Variants in MS4A4E observed in about 807,000 individuals in gnomAD.
MS4A4E encodes the protein membrane spanning 4-domains A4E.
In MS4A4E, 23 loss-of-function variants were observed where a neutral mutation model predicts 13.3. The observed-to-expected ratio is 1.73, with a 90% confidence interval of 1.25 to 2.45. The LOEUF (loss-of-function observed/expected upper bound fraction) is 2.45. Among genes scored for constraint, MS4A4E ranks in the 30% most tolerant of loss-of-function variants. The pLI is 0.00. For missense variants in MS4A4E, 144 were observed against 131.2 expected, an observed-to-expected ratio of 1.10 and a Z score of -0.48; for synonymous variants, 36 against 45.6, an observed-to-expected ratio of 0.79 and a Z score of 0.85.
At chr11:60,229,883 G>A (rs972395052) in intron 2 of MS4A4E, 29 bp downstream of exon 2, 1 of 1,569,364 alleles carries the variant, frequency 6.4e-7, no homozygotes, top group East Asian at 2.3e-5. Flanking sequence ...AACACTATTG[G>A]TCTTCTCCCA....
chr11:60,229,684 C>G (rs2084383852), intron 2 of MS4A4E, among the ~76,000 whole-genome samples: 1 of 152,008 alleles, frequency 6.6e-6, no homozygotes, highest in African/African-American at 2.4e-5. Flanking sequence ...GACCCACAAC[C>G]CTAGAATAGA....
At position 60,213,913 on chromosome 11, in the gene MS4A4E, T is replaced by G. The variant is rs554175786; in HGVS notation, c.222+658A>C. Among the ~76,000 whole-genome samples, 3 of 152,258 alleles carry G rather than the reference T, an allele frequency of 2.0e-5. No homozygotes were observed. The East Asian group carries it at 5.8e-4, about 29-fold the overall frequency. On this transcript the variant is annotated intron_variant, in intron 4 of 8. Transcript: ENST00000651255. ...GATACAGTTGGAATCTACTTTTTTT[T>G]TTTCCTTTTTGAGATGGAGTCTTGC...
rs11825956 is a variant in MS4A4E at position 60,228,072 on chromosome 11, C to T, written c.178+522G>A. Among the ~76,000 whole-genome samples the T allele has an allele frequency of 1.7e-3, 257 of 152,128 alleles. 1 individual carries two copies. The highest frequency in any genetic ancestry group is 5.9e-3 in the African/African-American group (246 of 41,504). On this transcript the variant is annotated intron_variant, in intron 3 of 8. Transcript: ENST00000651255. ...TGTCAATACAATACCAAAGGCACAA[C>T]CCATGAAATACCGAATTAATCATCT...
At chr11:60,215,620 TA>T (rs1041365069) in intron 3 of MS4A4E, among the ~76,000 whole-genome samples, 28 of 150,644 alleles carry the variant, frequency 1.9e-4, no homozygotes, top group Admixed American at 6.0e-4. Context: ...GTTTAATGAT[TA>T]AAAAAAAAGT....
At chr11:60,229,397 A>G (rs2084379943) in intron 2 of MS4A4E, among the ~76,000 whole-genome samples, 1 of 152,214 alleles carries the variant, frequency 6.6e-6, no homozygotes, top group African/African-American at 2.4e-5. Context: ...TGATAAACCT[A>G]TATTTAATGT....
chr11:60,219,180 T>C (rs2084233553), intron 3 of MS4A4E, among the ~76,000 whole-genome samples: 1 of 152,120 alleles, frequency 6.6e-6, no homozygotes, highest in East Asian at 1.9e-4. Flanking sequence ...GTGAAATAGA[T>C]TTGAGAGGGC....
chr11:60,213,209 G>A (rs2084147725), intron 4 of MS4A4E, 77 bp from the exon 5 acceptor site: 1 of 1,305,418 alleles, frequency 7.7e-7, no homozygotes, highest in Non-Finnish European at 1.1e-6. Context: ...TTACACTGCT[G>A]TCTACCTTTA....
At position 60,200,274 on chromosome 11, in the gene MS4A4E, T is replaced by TTTTATTTATTTA. The variant is rs200769146; in HGVS notation, c.*1257_*1268dup. 1.8e-4 allele frequency among the ~76,000 whole-genome samples: 28 copies of TTTTATTTATTTA among 151,806 alleles called. No homozygotes were observed. Among genetic ancestry groups the TTTTATTTATTTA allele is most frequent in the African/African-American group, 6.5e-4 (27 of 41,336 alleles). On this transcript the variant is annotated 3_prime_UTR_variant, in exon 9 of 9. Transcript: ENST00000651255. ...GGAAAAAAAATACTGGATAAATACT[T>TTTTATTTATTTA]TTTATTTATTTATTTATTTATTTAT...
At chr11:60,229,365 A>G (rs1431317432) in intron 2 of MS4A4E, among the ~76,000 whole-genome samples, 1 of 152,242 alleles carries the variant, frequency 6.6e-6, no homozygotes, top group Non-Finnish European at 1.5e-5. Flanking sequence ...ACATTTTCTC[A>G]GTGGTTTGAA....
At chr11:60,231,057 A>G (rs1210688658) in intron 1 of MS4A4E, among the ~76,000 whole-genome samples, 2 of 152,164 alleles carry the variant, frequency 1.3e-5, no homozygotes, top group African/African-American at 2.4e-5. Flanking sequence ...AATAATTGTC[A>G]TCGTGTATTT....
At chr11:60,226,274 A>G (rs556003588) in intron 3 of MS4A4E, among the ~76,000 whole-genome samples, 3 of 152,132 alleles carry the variant, frequency 2.0e-5, no homozygotes, top group African/African-American at 7.2e-5. Context: ...ATACTCCCTA[A>G]CTCATTCTAT....
intron 1 of MS4A4E, among the ~76,000 whole-genome samples, chr11:60,235,247 C>T (rs559595257): frequency 3.3e-5 from 5 of 152,284 alleles, no homozygotes; most frequent in East Asian, 1.9e-4. Flanking sequence ...TGCACACCAG[C>T]ACACCCAGCT....
At chr11:60,223,355 G>C (rs1037494404) in intron 3 of MS4A4E, among the ~76,000 whole-genome samples, 2 of 152,124 alleles carry the variant, frequency 1.3e-5, no homozygotes, top group African/African-American at 4.8e-5. Flanking sequence ...CATTTGTATA[G>C]GGGATTGGTG....
At chr11:60,223,908 A>G (rs2084307864) in intron 3 of MS4A4E, among the ~76,000 whole-genome samples, 1 of 152,112 alleles carries the variant, frequency 6.6e-6, no homozygotes, top group Middle Eastern at 3.2e-3. Context: ...ATATATACAC[A>G]TCTATCCTAT....
In MS4A4E at chr11:60,214,656, A is replaced by T. The variant is rs780603239; in HGVS notation, c.179-42T>A. 8 of 1,355,734 alleles carry T rather than the reference A, an allele frequency of 5.9e-6. No individual in the cohort carries two copies. The South Asian group carries it at 1.1e-4, about 18-fold the overall frequency. 84.0% of individuals were successfully genotyped at this position (1,355,734 alleles called of 1,614,324 possible). A position where few individuals can be genotyped will look rare whatever the true frequency, so the allele number is the denominator to read the frequency against. ...AGAATGAGAGAAAAAAATGGAGATA[A>T]AAAGTTTTAAACAAGTATTGGAAAT... On this transcript the variant is annotated intron_variant, in intron 3 of 8. Transcript: ENST00000651255.
At chr11:60,225,249 A>G (rs2084326395) in intron 3 of MS4A4E, among the ~76,000 whole-genome samples, 1 of 152,186 alleles carries the variant, frequency 6.6e-6, no homozygotes, top group South Asian at 2.1e-4. Context: ...ATAAAGAACC[A>G]TGAATATTAT....
intron 8 of MS4A4E, among the ~76,000 whole-genome samples, chr11:60,202,424 A>C (rs920110244): frequency 6.6e-6 from 1 of 152,218 alleles, no homozygotes; most frequent in Non-Finnish European, 1.5e-5. Context: ...TTGCCATTCA[A>C]TCTGGTCAGT....
chr11:60,212,554 C>T (rs1369834428), intron 5 of MS4A4E, among the ~76,000 whole-genome samples: 1 of 152,136 alleles, frequency 6.6e-6, no homozygotes, highest in African/African-American at 2.4e-5. Flanking sequence ...CGTGATCCGC[C>T]TGGCTCGGCC....
chr11:60,232,837 T>A (rs649234), intron 1 of MS4A4E, among the ~76,000 whole-genome samples: 138,673 of 151,904 alleles, frequency 0.91, 63,435 homozygotes, highest in Non-Finnish European at 0.94. Flanking sequence ...TGGAAGCCAT[T>A]CCTGAGCCAA....
Sources: gnomAD v4.1 joint callset for allele counts (sites outside exome capture counted in the v4.1 genomes callset) on GRCh38, gnomAD v4.1.1 for gene constraint, MANE v1.5 for transcripts, NCBI Gene and HGNC (gene_info 2026-07-23, HGNC 2026-07-21) for gene names.